CLDN10: variants seen among roughly 807,000 people sequenced by gnomAD.
CLDN10 encodes the protein claudin 10, also known as claudin-10.
Under a neutral mutation model 22.9 loss-of-function variants are expected in CLDN10, and 15 were observed. That is an observed-to-expected ratio of 0.65 (90% CI 0.44 to 1.01). The LOEUF (loss-of-function observed/expected upper bound fraction) is 1.01, where lower values mean the gene tolerates loss of function less well. CLDN10 is among the 50% of genes least tolerant of loss of function. CLDN10 has a pLI of 0.00. For synonymous variants in CLDN10, 114 were observed against 111.4 expected (o/e 1.02, Z -0.15); for missense variants, 247 against 287.8 (o/e 0.86, Z 1.03).
intron 3 of CLDN10, among the ~76,000 whole-genome samples, chr13:95,572,624 C>T (rs916534738): frequency 1.8e-4 from 27 of 152,318 alleles, no homozygotes; most frequent in African/African-American, 6.5e-4. Flanking sequence ...TGAACCACAT[C>T]TGAGCGTGTT....
intron 1 of CLDN10, among the ~76,000 whole-genome samples, chr13:95,531,632 G>A (rs2043343413): frequency 6.6e-6 from 1 of 151,776 alleles, no homozygotes; most frequent in Non-Finnish European, 1.5e-5. Context: ...CTGGGTTCAA[G>A]CGATTCTTCT....
chr13:95,433,855 G>A, exon 1 of CLDN10: 2 of 1,614,158 alleles, frequency 1.2e-6, no homozygotes, highest in Non-Finnish European at 1.7e-6. Flanking sequence ...GCAGATCTGG[G>A]CTCTGGTGTC....
chr13:95,518,928 T>G (rs1430039377), intron 1 of CLDN10, among the ~76,000 whole-genome samples: 1 of 152,052 alleles, frequency 6.6e-6, no homozygotes, highest in Non-Finnish European at 1.5e-5. Context: ...TGGTTTAGAG[T>G]GTGATCTTGT....
At chr13:95,444,421 A>C (rs1305620143) in intron 1 of CLDN10, among the ~76,000 whole-genome samples, 3 of 152,262 alleles carry the variant, frequency 2.0e-5, no homozygotes, top group African/African-American at 7.2e-5. Context: ...CAAATCATTC[A>C]GCAGATTCCT....
intron 1 of CLDN10, among the ~76,000 whole-genome samples, chr13:95,481,884 T>C (rs1403541126): frequency 6.6e-6 from 1 of 152,046 alleles, no homozygotes; most frequent in East Asian, 1.9e-4. Flanking sequence ...CTGGGTGTGG[T>C]GGTGCATGTC....
chr13:95,464,251 C>A (rs1415125776), intron 1 of CLDN10, among the ~76,000 whole-genome samples: 1 of 152,042 alleles, frequency 6.6e-6, no homozygotes, highest in Non-Finnish European at 1.5e-5. Context: ...ATCCCTCCCG[C>A]CTTCCCCCAC....
intron 3 of CLDN10, among the ~76,000 whole-genome samples, chr13:95,565,130 G>GAAAA (rs202000245): frequency 2.0e-4 from 30 of 146,410 alleles, no homozygotes; most frequent in African/African-American, 7.3e-4. Context: ...TAACAAATCT[G>GAAAA]AAAAAAAAAA....
At chr13:95,560,739 T>C (rs756413282) in intron 3 of CLDN10, 2 of 348,348 alleles carry the variant, frequency 5.7e-6, no homozygotes, top group African/African-American at 2.1e-5. Context: ...ATCATGAAAC[T>C]GAGGTCAAGT....
intron 1 of CLDN10, among the ~76,000 whole-genome samples, chr13:95,457,526 GTAGGGGGATTCCCTGTTGCTACCAC>G (rs1330550245): frequency 6.6e-6 from 1 of 152,098 alleles, no homozygotes; most frequent in Non-Finnish European, 1.5e-5. Context: ...ACATACTGAT[GTAGGGGGATTCCCTGTTGCTACCAC>G]TATTTGTTCC....
At chr13:95,517,274 C>T (rs2043179013) in intron 1 of CLDN10, among the ~76,000 whole-genome samples, 2 of 152,110 alleles carry the variant, frequency 1.3e-5, no homozygotes, top group Non-Finnish European at 2.9e-5. Context: ...TGCTTAGGAG[C>T]TGGCGATACA....
chr13:95,441,066 G>A (rs1200760674), intron 1 of CLDN10, among the ~76,000 whole-genome samples: 1 of 152,220 alleles, frequency 6.6e-6, no homozygotes, highest in African/African-American at 2.4e-5. Context: ...CTACTGCTGT[G>A]TCTGGCTTAG....
chr13:95,555,294 C>T (rs543667699), intron 1 of CLDN10, among the ~76,000 whole-genome samples: 5 of 152,334 alleles, frequency 3.3e-5, no homozygotes, highest in African/African-American at 1.2e-4. Flanking sequence ...GTCATCCACC[C>T]TCCTCGGCCT....
At chr13:95,503,367 T>C (rs1022708412) in intron 1 of CLDN10, among the ~76,000 whole-genome samples, 1 of 152,162 alleles carries the variant, frequency 6.6e-6, no homozygotes, top group African/African-American at 2.4e-5. Flanking sequence ...ACAGGTACAA[T>C]ATTCAAAAGA....
intron 1 of CLDN10, among the ~76,000 whole-genome samples, chr13:95,510,916 C>T (rs368691055): frequency 6.6e-6 from 1 of 152,122 alleles, no homozygotes; most frequent in African/African-American, 2.4e-5. Flanking sequence ...TTATTCAGGC[C>T]TCAGTCCTCC....
At chr13:95,433,768 T>C in exon 1 of CLDN10, 3 of 1,546,892 alleles carry the variant, frequency 1.9e-6, no homozygotes, top group Non-Finnish European at 2.7e-6. Context: ...GTGTTCTCTA[T>C]CGGCTGCATG....
rs2042657011 is a variant in CLDN10 at position 95,473,589 on chromosome 13, A to G, written c.214+39542A>G. On this transcript the variant is annotated intron_variant, in intron 1 of 4. Coordinates refer to the CLDN10 transcript ENST00000376873. The stretch of plus-strand genomic sequence containing the variant: ...TCACATCATATTTCATTAGGCTCTC[A>G]CGTGCCTTATTCAGCTGACCTCTAA... Among the ~76,000 whole-genome samples the G allele has an allele frequency of 3.3e-5, 5 of 152,204 alleles. No individual in the cohort carries two copies. In the South Asian group the frequency reaches 1.0e-3, roughly 32 times the overall value.
chr13:95,508,830 T>A (rs970080584), intron 1 of CLDN10, among the ~76,000 whole-genome samples: 1 of 152,210 alleles, frequency 6.6e-6, no homozygotes, highest in Admixed American at 6.5e-5. Flanking sequence ...CACAAAGAGC[T>A]GGTGGCTATG....
intron 1 of CLDN10, among the ~76,000 whole-genome samples, chr13:95,531,607 T>C (rs1016430448): frequency 4.6e-5 from 7 of 152,106 alleles, no homozygotes; most frequent in Non-Finnish European, 8.8e-5. Context: ...CTTGGCTCAT[T>C]GCAACCTCCA....
intron 1 of CLDN10, among the ~76,000 whole-genome samples, chr13:95,472,794 G>A (rs567504108): frequency 1.3e-4 from 19 of 151,986 alleles, no homozygotes; most frequent in African/African-American, 1.9e-4. Flanking sequence ...TGAGAAACCC[G>A]GTTCTATGAC....
Sources: allele counts gnomAD v4.1 joint callset (sites outside exome capture counted in the v4.1 genomes callset), GRCh38; gene constraint gnomAD v4.1.1; transcripts MANE v1.5; gene names NCBI Gene and HGNC (gene_info 2026-07-23, HGNC 2026-07-21).